The following ARHGAP29 variants were observed in gnomAD, a reference collection of about 807,000 sequenced individuals.
ARHGAP29 encodes Rho GTPase activating protein 29.
A neutral mutation model predicts 122.6 loss-of-function variants in ARHGAP29; 43 were observed. The ratio of observed to expected loss-of-function variants is 0.35; its 90% CI spans 0.27 to 0.45. The LOEUF (loss-of-function observed/expected upper bound fraction) is 0.45. ARHGAP29 is among the 20% of genes least tolerant of loss of function. ARHGAP29 has a pLI of 1.00. For missense variants in ARHGAP29, 1,303 were observed against 1,477.2 expected (o/e 0.88, Z 1.93); for synonymous variants, 506 against 497.1 (o/e 1.02, Z -0.24).
At chr1:94,188,527 G>C (rs891229974) in intron 15 of ARHGAP29, among the ~76,000 whole-genome samples, 1 of 151,886 alleles carries the variant, frequency 6.6e-6, no homozygotes, top group Non-Finnish European at 1.5e-5. Context: ...ACCAGATATA[G>C]GTACTAGAAA....
chr1:94,203,751 C>G (rs6673184), intron 8 of ARHGAP29, among the ~76,000 whole-genome samples, 179 bp downstream of exon 8: 1 of 151,850 alleles, frequency 6.6e-6, no homozygotes, highest in Non-Finnish European at 1.5e-5. Flanking sequence ...AAAAAAAAAG[C>G]GTATTTCCTA....
At position 94,178,185 on chromosome 1, in the gene ARHGAP29, T is replaced by C. The variant is rs1570483643; in HGVS notation, c.2481-18A>G. ...CTACTACCCTGCAAAGTAGAACACA[T>C]AAAGTTGTATGAGATTTTCCTATTA... On this transcript the variant is annotated intron_variant, in intron 20 of 22. Coordinates refer to ENST00000260526, the MANE Select transcript of ARHGAP29 (RefSeq NM_004815.4). The C allele has an allele frequency of 1.3e-6, 2 of 1,592,062 alleles. No individual in the cohort carries two copies. The highest frequency in any genetic ancestry group is 2.2e-5 in the East Asian group (1 of 44,668).
upstream of ARHGAP29, among the ~76,000 whole-genome samples, chr1:94,276,975 T>A (rs1037375840): frequency 2.6e-5 from 4 of 152,042 alleles, no homozygotes; most frequent in Non-Finnish European, 5.9e-5. Context: ...AACTTAAGCG[T>A]CTTCGTGCTA....
chr1:94,236,576 T>C (rs1653277040), intron 1 of ARHGAP29, among the ~76,000 whole-genome samples: 2 of 152,070 alleles, frequency 1.3e-5, no homozygotes, highest in East Asian at 1.9e-4. Flanking sequence ...TTGGGGCCAA[T>C]ACCCTCTGAG....
the ARHGAP29 span, among the ~76,000 whole-genome samples, chr1:94,287,432 A>G: frequency 6.6e-6 from 1 of 151,870 alleles, no homozygotes; most frequent in African/African-American, 2.4e-5. Context: ...CCCTTCCACC[A>G]TGATTGTAAG....
intron 1 of ARHGAP29, among the ~76,000 whole-genome samples, chr1:94,259,405 C>T (rs1030258160): frequency 6.6e-6 from 1 of 152,072 alleles, no homozygotes; most frequent in African/African-American, 2.4e-5. Context: ...AAATAATGTC[C>T]CCATAAAATG....
intron 3 of ARHGAP29, among the ~76,000 whole-genome samples, chr1:94,213,635 G>A (rs1651789976): frequency 1.3e-5 from 2 of 152,212 alleles, no homozygotes; most frequent in Admixed American, 6.5e-5. Flanking sequence ...GGCCAGATTT[G>A]GCCCACCAGC....
In ARHGAP29 at chr1:94,227,298, C is replaced by T. The variant is rs549123206; in HGVS notation, c.205+4109G>A. 5.9e-5 allele frequency among the ~76,000 whole-genome samples: 9 copies of T among 151,752 alleles called. No individual in the cohort carries two copies. The South Asian group carries it at 1.5e-3, about 24-fold the overall frequency. On this transcript the variant is annotated intron_variant, in intron 2 of 22. Coordinates refer to ENST00000260526, the MANE Select transcript of ARHGAP29 (RefSeq NM_004815.4). ...CTTTATAAATAGTATAAAGGTGATA[C>T]ACTCTTAAATTAGAAAGCATCTTTT...
chr1:94,251,594 C>T (rs1487816536), intron 1 of ARHGAP29, among the ~76,000 whole-genome samples: 2 of 152,132 alleles, frequency 1.3e-5, no homozygotes, highest in East Asian at 1.9e-4. Flanking sequence ...CTTATTCTAC[C>T]TCTGCGTCTC....
the ARHGAP29 span, among the ~76,000 whole-genome samples, chr1:94,299,457 C>G: frequency 6.6e-6 from 1 of 152,190 alleles, no homozygotes; most frequent in African/African-American, 2.4e-5. Context: ...AAGAGCTTAA[C>G]TTTTCTCTGC....
chr1:94,190,188 A>G, intron 12 of ARHGAP29, 105 bp from the exon 13 acceptor site: 1 of 1,158,172 alleles, frequency 8.6e-7, no homozygotes, highest in Non-Finnish European at 1.2e-6. Context: ...CATACAGTGA[A>G]GCATACAACA....
intron 1 of ARHGAP29, among the ~76,000 whole-genome samples, chr1:94,269,637 A>G (rs971400756): frequency 2.2e-4 from 33 of 152,220 alleles, no homozygotes; most frequent in Non-Finnish European, 1.0e-4. Context: ...AAGAAATTCA[A>G]TCTTACTCAT....
intron 1 of ARHGAP29, among the ~76,000 whole-genome samples, chr1:94,271,499 G>C (rs913613837): frequency 6.6e-6 from 1 of 151,988 alleles, no homozygotes; most frequent in Non-Finnish European, 1.5e-5. Flanking sequence ...GTTTCTCCCC[G>C]TAAGAGAAGA....
At chr1:94,288,658 T>C in the ARHGAP29 span, among the ~76,000 whole-genome samples, 8 of 152,348 alleles carry the variant, frequency 5.3e-5, no homozygotes, top group East Asian at 1.4e-3. Flanking sequence ...TTAATCCATC[T>C]TGAGTTAATT....
intron 1 of ARHGAP29, among the ~76,000 whole-genome samples, chr1:94,250,962 A>T (rs1654059253): frequency 6.6e-6 from 1 of 152,194 alleles, no homozygotes; most frequent in Non-Finnish European, 1.5e-5. Context: ...TGCCAAAAAT[A>T]ATATTAGCCT....
the ARHGAP29 span, among the ~76,000 whole-genome samples, chr1:94,295,579 G>A: frequency 6.6e-6 from 1 of 152,066 alleles, no homozygotes; most frequent in South Asian, 2.1e-4. Flanking sequence ...TAGATATCGG[G>A]AAAAGATTAA....
intron 1 of ARHGAP29, among the ~76,000 whole-genome samples, chr1:94,263,290 T>A (rs2100718762): frequency 6.6e-6 from 1 of 151,832 alleles, no homozygotes; most frequent in Middle Eastern, 3.4e-3. Context: ...AATAAATAGG[T>A]AGTAGACGTA....
chr1:94,261,736 T>C (rs758314878), intron 1 of ARHGAP29, among the ~76,000 whole-genome samples: 25 of 152,134 alleles, frequency 1.6e-4, no homozygotes, highest in Non-Finnish European at 2.9e-4. Flanking sequence ...TACAAAACAC[T>C]GCTCAAAGAA....
chr1:94,223,313 T>C (rs1272866423), intron 2 of ARHGAP29, among the ~76,000 whole-genome samples: 4 of 152,122 alleles, frequency 2.6e-5, no homozygotes, highest in African/African-American at 9.7e-5. Flanking sequence ...TACAGTATAG[T>C]GTTGAAAAGC....
Sources: allele counts gnomAD v4.1 joint callset (sites outside exome capture counted in the v4.1 genomes callset), GRCh38; gene constraint gnomAD v4.1.1; transcripts MANE v1.5; gene names NCBI Gene and HGNC (gene_info 2026-07-23, HGNC 2026-07-21).